Variants in HAND2 observed in about 807,000 individuals in gnomAD.
The protein encoded by HAND2 is heart and neural crest derivatives expressed 2, also known as heart- and neural crest derivatives-expressed protein 2.
In HAND2, 2 loss-of-function variants were observed where a neutral mutation model predicts 14.7. The observed-to-expected ratio is 0.14, with a 90% CI of 0.06 to 0.43. The LOEUF (loss-of-function observed/expected upper bound fraction) is 0.43. HAND2 is among the 20% of genes least tolerant of loss of function. The probability of loss-of-function intolerance (pLI) is 0.99; values close to 1 mark genes in which losing one functional copy is unlikely to be tolerated. For missense variants in HAND2, 275 were observed against 313.6 expected (o/e 0.88, Z 0.93); for synonymous variants, 162 against 135.9 (o/e 1.19, Z -1.34).
chr4:173,526,603 A>G lies in HAND2; in HGVS notation c.*674T>C, dbSNP rs1290014488. The stretch of plus-strand genomic sequence containing the variant: ...TTGAGGTATCAGCCATTAAAAGATT[A>G]AGGTTTTTGTAAAAAAAAAACACAG... On this transcript the variant is annotated 3_prime_UTR_variant, in exon 2 of 2. Coordinates refer to ENST00000359562, the MANE Select transcript of HAND2 (RefSeq NM_021973.3). The G allele has an allele frequency of 6.3e-6, 1 of 157,614 alleles. No individual in the cohort carries two copies. Among genetic ancestry groups the G allele is most frequent in the African/African-American group, 2.6e-5 (1 of 39,166 alleles). 9.8% of individuals were successfully genotyped at this position (157,614 alleles called of 1,614,324 possible). A position where few individuals can be genotyped will look rare whatever the true frequency, so the allele number is the denominator to read the frequency against.
In HAND2 at chr4:173,526,955, C is replaced by G. The variant is rs1224483892; in HGVS notation, c.*322G>C. The G allele has an allele frequency of 1.1e-5, 6 of 556,232 alleles. No individual in the cohort carries two copies. 34.5% of individuals were successfully genotyped at this position (556,232 alleles called of 1,614,324 possible). On this transcript the variant is annotated 3_prime_UTR_variant, in exon 2 of 2. Coordinates refer to ENST00000359562, the MANE Select transcript of HAND2 (RefSeq NM_021973.3). ...TGGCGGGGGGCAACGCTGGTGTCTA[C>G]ACAGCCAAGAGGGAACATTCACGCA...
At position 173,529,144 on chromosome 4, in the gene HAND2, C is replaced by T; in HGVS notation, c.146G>A (p.Gly49Asp). 2.0e-6 allele frequency: 3 copies of T among 1,477,196 alleles called. No homozygotes were observed. The highest frequency in any genetic ancestry group is 2.7e-6 in the Non-Finnish European group (3 of 1,124,552). 91.5% of individuals were successfully genotyped at this position (1,477,196 alleles called of 1,614,324 possible). ...ENPYFHGWLI[G>D]HPEMSPPDYS... is the part of the protein sequence containing the mutation. ...GTCGGGGGGCGACATCTCGGGGTGGCCGATGAGCCAGCCATGGAAGTAGGG... is the reference window on the plus strand; with the variant it reads ...GTCGGGGGGCGACATCTCGGGGTGGTCGATGAGCCAGCCATGGAAGTAGGG... The change falls in exon 1 of 2, where the codon GGC becomes GAC. Residue 49 changes from glycine (G) to aspartate (D), a missense_variant. Transcript: ENST00000359562.
Position 173,528,631 on chromosome 4 carries a change from C to A in HAND2, c.555+104G>T, listed in dbSNP as rs947530982. On this transcript the variant is annotated intron_variant, in intron 1 of 1. Coordinates refer to ENST00000359562, the MANE Select transcript of HAND2 (RefSeq NM_021973.3). This position sits in a 1 kb window ranked among gnomAD's most constrained non-coding sequence, Gnocchi z 5.6. ...CAAACAACCTTGAAGCGGGACGCAGCCAAAGAACACGAGATGCCATTTCTC... is the reference window on the plus strand; with the variant it reads ...CAAACAACCTTGAAGCGGGACGCAGACAAAGAACACGAGATGCCATTTCTC... 2.1e-6 allele frequency: 3 copies of A among 1,395,638 alleles called. No homozygotes were observed. Among genetic ancestry groups the A allele is most frequent in the South Asian group, 2.5e-5 (2 of 80,226 alleles). The allele number at this position is 1,395,638 out of a possible 1,614,324, so 86.5% of individuals were successfully genotyped here. A position where few individuals can be genotyped will look rare whatever the true frequency, so the allele number is the denominator to read the frequency against.
rs368515409 is a variant in HAND2 at position 173,528,798 on chromosome 4, C to T, written c.492G>A (p.Ala164=). 54 of 1,614,078 alleles carry T rather than the reference C, an allele frequency of 3.3e-5. No individual in the cohort carries two copies. Among genetic ancestry groups the T allele is most frequent in the Middle Eastern group, 3.3e-4 (2 of 6,084 alleles). ...LLAKDDQNGE[A]EAFKAEIKKT... The stretch of plus-strand genomic sequence containing the variant: ...TCTTGATCTCTGCCTTGAAGGCCTC[C>T]GCCTCGCCATTCTGGTCGTCCTTGG... The change falls in exon 1 of 2, where the codon GCG becomes GCA. Residue 164 remains alanine, a synonymous_variant. Transcript: ENST00000359562. The surrounding 1 kb of genome is among the most constrained non-coding windows in gnomAD (Gnocchi z 5.6).
chr4:173,526,887 G>C lies in HAND2; in HGVS notation c.*390C>G, dbSNP rs749290649. ...AGTATTAAAGATACACTTCACAAAC[G>C]CACTAGTGCCCACTGTCTTTATCTG... On this transcript the variant is annotated 3_prime_UTR_variant, in exon 2 of 2. Transcript: ENST00000359562. 2.4e-5 allele frequency: 11 copies of C among 457,162 alleles called. No homozygotes were observed. In the East Asian group the frequency reaches 7.0e-4, roughly 29 times the overall value. 28.3% of individuals were successfully genotyped at this position (457,162 alleles called of 1,614,324 possible). A position where few individuals can be genotyped will look rare whatever the true frequency, so the allele number is the denominator to read the frequency against.
rs1731460032 is a variant in HAND2, at chr4:173,526,648, A to G, written c.*629T>C. On this transcript the variant is annotated 3_prime_UTR_variant, in exon 2 of 2. Coordinates refer to ENST00000359562, the MANE Select transcript of HAND2 (RefSeq NM_021973.3). ...ACACAGTGGTTTATTGAATACTTAC[A>G]ACGTTTACACCTTCAATATTAATTA... 1 of 195,548 alleles carries G rather than the reference A, an allele frequency of 5.1e-6. No homozygotes were observed. Among genetic ancestry groups the G allele is most frequent in the Non-Finnish European group, 1.1e-5 (1 of 92,920 alleles). 12.1% of individuals were successfully genotyped at this position (195,548 alleles called of 1,614,324 possible). A position where few individuals can be genotyped will look rare whatever the true frequency, so the allele number is the denominator to read the frequency against.
rs1311778980 is a variant in HAND2, at chr4:173,526,504, T to C, written c.*773A>G. 1 of 158,310 alleles carries C rather than the reference T, an allele frequency of 6.3e-6. No individual in the cohort carries two copies. The highest frequency in any genetic ancestry group is 1.4e-5 in the Non-Finnish European group (1 of 71,638). The allele number at this position is 158,310 out of a possible 1,614,324, so 9.8% of individuals were successfully genotyped here. A position where few individuals can be genotyped will look rare whatever the true frequency, so the allele number is the denominator to read the frequency against. ...TTTAAAATAAAGTTAGAGGCAATCATGATAATTTAGTTTACTTCTGAATAT... is the reference window on the plus strand; with the variant it reads ...TTTAAAATAAAGTTAGAGGCAATCACGATAATTTAGTTTACTTCTGAATAT... On this transcript the variant is annotated 3_prime_UTR_variant, in exon 2 of 2. Transcript: ENST00000359562.
Position 173,529,416 on chromosome 4 carries a change from G to A in HAND2, c.-127C>T. 1 of 421,368 alleles carries A rather than the reference G, an allele frequency of 2.4e-6. No individual in the cohort carries two copies. The allele number at this position is 421,368 out of a possible 1,614,324, so 26.1% of individuals were successfully genotyped here. On this transcript the variant is annotated 5_prime_UTR_variant, in exon 1 of 2. Transcript: ENST00000359562. ...CACCCCCCAGCCCCCGGGCGCCCGG[G>A]CCCGCCCGGCAGCCGCAGAGGGGGC...
rs1358979894 is a variant in HAND2, at chr4:173,528,253, AG to A, written c.555+481del. The A allele has an allele frequency of 6.1e-6, 1 of 162,994 alleles. No individual in the cohort carries two copies. Among genetic ancestry groups the A allele is most frequent in the Non-Finnish European group, 1.3e-5 (1 of 74,834 alleles). 10.1% of individuals were successfully genotyped at this position (162,994 alleles called of 1,614,324 possible). On this transcript the variant is annotated intron_variant, in intron 1 of 1. Coordinates refer to ENST00000359562, the MANE Select transcript of HAND2 (RefSeq NM_021973.3). The surrounding 1 kb of genome is among the most constrained non-coding windows in gnomAD (Gnocchi z 5.6). ...TAGTATGAGAACAACCACAAAACTC[AG>A]GGCTCAGTCTCTGGCAGCCTCCTTC...
At chr4:173,527,506 G>A (rs1176597812) in intron 1 of HAND2, 131 bp from the exon 2 acceptor site, 3 of 754,398 alleles carry the variant, frequency 4.0e-6, no homozygotes, top group African/African-American at 1.7e-5. Flanking sequence ...TACGATGGGG[G>A]AGTCCCAGCC....
chr4:173,529,384 C>T lies in HAND2; in HGVS notation c.-95G>A, dbSNP rs1352684523. 1.1e-6 allele frequency: 1 copy of T among 898,302 alleles called. No individual in the cohort carries two copies. The highest frequency in any genetic ancestry group is 1.4e-6 in the Non-Finnish European group (1 of 714,244). 55.6% of individuals were successfully genotyped at this position (898,302 alleles called of 1,614,324 possible). On this transcript the variant is annotated 5_prime_UTR_variant, in exon 1 of 2. Coordinates refer to ENST00000359562, the MANE Select transcript of HAND2 (RefSeq NM_021973.3). Reference sequence around the variant, plus strand: ...TGCCTCAGCGCTCGGCGTCCTCCCCCACCCCCCACCCCCCAGCCCCCGGGC... The same window carrying T: ...TGCCTCAGCGCTCGGCGTCCTCCCCTACCCCCCACCCCCCAGCCCCCGGGC...
rs753355279 is a variant in HAND2 at position 173,529,049 on chromosome 4, C to A, written c.241G>T (p.Gly81Trp). 4.0e-6 allele frequency: 6 copies of A among 1,499,058 alleles called. No individual in the cohort carries two copies. The highest frequency in any genetic ancestry group is 1.4e-5 in the African/African-American group (1 of 69,920). The allele number at this position is 1,499,058 out of a possible 1,614,324, so 92.9% of individuals were successfully genotyped here. Residue 81 changes from glycine to tryptophan, a missense_variant, in exon 1 of 2, where the codon GGG (glycine) becomes TGG (tryptophan). Physicochemically the swap from Gly to Trp is radical, Grantham distance 184 (BLOSUM62 -2). Around this residue, in one of 4 missense-constraint regions of HAND2, gnomAD observed 175 missense variants for 157.1 expected, o/e 1.11. Coordinates refer to ENST00000359562, the MANE Select transcript of HAND2 (RefSeq NM_021973.3). Reference sequence around the variant, plus strand: ...GGCCCGGCGCCCGGCGGCACCCCCCCGTAATGGGAGTGGTCCAGGCCGGCG... The same window carrying A: ...GGCCCGGCGCCCGGCGGCACCCCCCAGTAATGGGAGTGGTCCAGGCCGGCG... ...GAAGLDHSHY[G>W]GVPPGAGPPG...
At chr4:173,527,662 C>T (rs2110903430) in intron 1 of HAND2, 1 of 436,566 alleles carries the variant, frequency 2.3e-6, no homozygotes, top group Admixed American at 3.7e-5. Context: ...TTTTCTCTTA[C>T]TCCAGATGTA....
chr4:173,528,894 G>A lies in HAND2; in HGVS notation c.396C>T (p.Asp132=). 1 of 1,614,170 alleles carries A rather than the reference G, an allele frequency of 6.2e-7. No homozygotes were observed. The highest frequency in any genetic ancestry group is 8.5e-7 in the Non-Finnish European group (1 of 1,180,016). Reference sequence around the variant, plus strand: ...GGGTCTTGATTTTGGAGAGTTTGGTGTCGGCGGGTACGTTGGGGATGCACT... The same window carrying A: ...GGGTCTTGATTTTGGAGAGTTTGGTATCGGCGGGTACGTTGGGGATGCACT... ...LRECIPNVPA[D]TKLSKIKTLR... Residue 132 remains aspartate (D), a synonymous_variant, in exon 1 of 2, where the codon GAC becomes GAT. Coordinates refer to ENST00000359562, the MANE Select transcript of HAND2 (RefSeq NM_021973.3). The surrounding 1 kb of genome is among the most constrained non-coding windows in gnomAD (Gnocchi z 5.6).
chr4:173,526,918 G>A lies in HAND2; in HGVS notation c.*359C>T. 1 of 510,018 alleles carries A rather than the reference G, an allele frequency of 2.0e-6. No individual in the cohort carries two copies. 31.6% of individuals were successfully genotyped at this position (510,018 alleles called of 1,614,324 possible). On this transcript the variant is annotated 3_prime_UTR_variant, in exon 2 of 2. Transcript: ENST00000359562. ...GTGCCCACTGTCTTTATCTGGAAGG[G>A]GTTGAGTAGGTTGGCGGGGGGCAAC...
chr4:173,527,308 T>A lies in HAND2; in HGVS notation c.623A>T (p.Gln208Leu). ...KKTKGRTGWP[Q>L]HVWALELKQ ...CTTGAGCTCCAGGGCCCAGACGTGC[T>A]GCGGCCAGCCCGTCCGGCCTTTGGT... The change falls in exon 2 of 2, where the codon CAG becomes CTG. Residue 208 changes from glutamine to leucine, a missense_variant. Physicochemically the swap from Gln to Leu is moderately radical, Grantham distance 113. Coordinates refer to ENST00000359562, the MANE Select transcript of HAND2 (RefSeq NM_021973.3). 6.2e-7 allele frequency: 1 copy of A among 1,613,486 alleles called. No individual in the cohort carries two copies. Among genetic ancestry groups the A allele is most frequent in the Non-Finnish European group, 8.5e-7 (1 of 1,179,800 alleles).
chr4:173,526,801 C>A lies in HAND2; in HGVS notation c.*476G>T. On this transcript the variant is annotated 3_prime_UTR_variant, in exon 2 of 2. Coordinates refer to ENST00000359562, the MANE Select transcript of HAND2 (RefSeq NM_021973.3). ...CGACCCCAACGGAAATGTTAGCGGCCCTGTTTTCTGCTTTGAAATAAAACT... is the reference window on the plus strand; with the variant it reads ...CGACCCCAACGGAAATGTTAGCGGCACTGTTTTCTGCTTTGAAATAAAACT... 1 of 356,580 alleles carries A rather than the reference C, an allele frequency of 2.8e-6. No individual in the cohort carries two copies. The highest frequency in any genetic ancestry group is 5.5e-6 in the Non-Finnish European group (1 of 180,700). The allele number at this position is 356,580 out of a possible 1,614,324, so 22.1% of individuals were successfully genotyped here.
rs1206345635 is a variant in HAND2, at chr4:173,529,396, C to A, written c.-107G>T. ...CGGCGTCCTCCCCCACCCCCCACCC[C>A]CCAGCCCCCGGGCGCCCGGGCCCGC... On this transcript the variant is annotated 5_prime_UTR_variant, in exon 1 of 2. Coordinates refer to ENST00000359562, the MANE Select transcript of HAND2 (RefSeq NM_021973.3). 1 of 841,748 alleles carries A rather than the reference C, an allele frequency of 1.2e-6. No homozygotes were observed. Among genetic ancestry groups the A allele is most frequent in the Non-Finnish European group, 1.5e-6 (1 of 660,996 alleles). 52.1% of individuals were successfully genotyped at this position (841,748 alleles called of 1,614,324 possible).
rs1731479938 is a variant in HAND2, at chr4:173,527,139, A to T, written c.*138T>A. 2 of 719,212 alleles carry T rather than the reference A, an allele frequency of 2.8e-6. No homozygotes were observed. The highest frequency in any genetic ancestry group is 2.0e-5 in the Admixed American group (1 of 50,820). 44.6% of individuals were successfully genotyped at this position (719,212 alleles called of 1,614,324 possible). A position where few individuals can be genotyped will look rare whatever the true frequency, so the allele number is the denominator to read the frequency against. ...GTCAAAGAGAGGGGAAGGAAATTGC[A>T]CATAAATAAACCGGATGATTCCAAA... is the stretch of plus-strand genomic sequence containing the variant. On this transcript the variant is annotated 3_prime_UTR_variant, in exon 2 of 2. Coordinates refer to ENST00000359562, the MANE Select transcript of HAND2 (RefSeq NM_021973.3).
Sources: allele counts gnomAD v4.1 joint callset, GRCh38; gene constraint gnomAD v4.1.1; regional missense constraint gnomAD v4.1.1; non-coding constraint Gnocchi (gnomAD v3.1); transcripts MANE v1.5; gene names NCBI Gene and HGNC (gene_info 2026-07-23, HGNC 2026-07-21).